Variants in KNDC1 observed in about 807,000 individuals in gnomAD.
KNDC1 encodes the protein kinase non-catalytic C-lobe domain containing 1.
KNDC1 carries 106 observed loss-of-function variants against 172.8 expected under a neutral mutation model. The observed-to-expected ratio is 0.61, with a 90% CI of 0.52 to 0.72. The LOEUF is 0.72. Among genes scored for constraint, KNDC1 ranks in the 30% least tolerant of loss-of-function variants. The pLI, the probability that KNDC1 is intolerant of heterozygous loss-of-function variation, is 0.00. For missense variants in KNDC1, 2,325 were observed against 2,394.5 expected (o/e 0.97, Z 0.61); for synonymous variants, 1,083 against 1,062.2 (o/e 1.02, Z -0.38).
chr10:133,206,891 G>T lies in KNDC1; in HGVS notation c.3517G>T (p.Gly1173Trp), dbSNP rs778440553. 1 of 1,614,162 alleles carries T rather than the reference G, an allele frequency of 6.2e-7. No homozygotes were observed. The highest frequency in any genetic ancestry group is 1.1e-5 in the South Asian group (1 of 91,090). The change falls in exon 19 of 30, where the codon GGG becomes TGG. Residue 1173 changes from glycine to tryptophan, a missense_variant. Transcript: ENST00000304613. ...DVKTMLSKLKGQLEEMKSRVQ... is the reference protein window; with the variant it reads ...DVKTMLSKLKWQLEEMKSRVQ... ...CAAGACCATGCTGTCCAAGCTGAAA[G>T]GGCAGCTAGAAGAAATGAAATCCAG... is the stretch of plus-strand genomic sequence containing the variant.
At chr10:133,210,927 G>A (rs563528431) in intron 21 of KNDC1, among the ~76,000 whole-genome samples, 2 of 152,260 alleles carry the variant, frequency 1.3e-5, no homozygotes, top group African/African-American at 4.8e-5. Context: ...GCAGGAGGGC[G>A]GTGGCCTGGG....
In KNDC1 at chr10:133,207,136, G is replaced by A; in HGVS notation, c.3580-1G>A. ...CAAGCGCCCGTGTCCCGCTCCGGCA[G>A]GTCATGTACGCGGAACGCTGGGGCC... On this transcript the variant is annotated splice_acceptor_variant, in intron 19 of 29. Coordinates refer to ENST00000304613, the MANE Select transcript of KNDC1 (RefSeq NM_152643.8). LOFTEE classifies it high-confidence loss of function. The A allele has an allele frequency of 6.3e-7, 1 of 1,583,962 alleles. No individual in the cohort carries two copies. The highest frequency in any genetic ancestry group is 8.6e-7 in the Non-Finnish European group (1 of 1,166,068).
At chr10:133,207,452 A>C in intron 20 of KNDC1, 101 bp downstream of exon 20, 1 of 1,098,588 alleles carries the variant, frequency 9.1e-7, no homozygotes, top group Non-Finnish European at 1.3e-6. Flanking sequence ...CTGGGTTTGC[A>C]CTTTTTAGTT....
rs150927003 is a variant in KNDC1, at chr10:133,166,585, G to A, written c.103-796G>A. Reference sequence around the variant, plus strand: ...TTGCATGAGTGTGTGTGTGTGAAGCGGATGGAACTGTGAGTGTGCACACAC... The same window carrying A: ...TTGCATGAGTGTGTGTGTGTGAAGCAGATGGAACTGTGAGTGTGCACACAC... On this transcript the variant is annotated intron_variant, in intron 1 of 29. Coordinates refer to ENST00000304613, the MANE Select transcript of KNDC1 (RefSeq NM_152643.8). Among the ~76,000 whole-genome samples, 1,233 of 152,286 alleles carry A rather than the reference G, an allele frequency of 8.1e-3. 9 individuals are homozygous for A. Among genetic ancestry groups the A allele is most frequent in the Admixed American group, 0.018 (282 of 15,296 alleles).
Position 133,197,140 on chromosome 10 carries a change from G to T in KNDC1, c.1812+5G>T. Reference sequence around the variant, plus strand: ...CTCAGAGCTTCCATCTGCCAGGTGGGCTAGAACAGCCAGGCCGCCGCCTCC... The same window carrying T: ...CTCAGAGCTTCCATCTGCCAGGTGGTCTAGAACAGCCAGGCCGCCGCCTCC... On this transcript the variant is annotated splice_donor_5th_base_variant and intron_variant, in intron 11 of 29. Coordinates refer to ENST00000304613, the MANE Select transcript of KNDC1 (RefSeq NM_152643.8). 3.1e-6 allele frequency: 5 copies of T among 1,611,354 alleles called. No individual in the cohort carries two copies. Among genetic ancestry groups the T allele is most frequent in the Non-Finnish European group, 4.2e-6 (5 of 1,178,574 alleles).
chr10:133,190,037 C>A (rs1384342107), intron 9 of KNDC1, among the ~76,000 whole-genome samples: 3 of 152,216 alleles, frequency 2.0e-5, no homozygotes, highest in East Asian at 3.8e-4. Context: ...TAGAGCTGCG[C>A]CTCCTGGCTC....
At chr10:133,201,424 G>T in intron 16 of KNDC1, 77 bp from the exon 17 acceptor site, 1 of 1,451,406 alleles carries the variant, frequency 6.9e-7, no homozygotes, top group Non-Finnish European at 9.3e-7. Flanking sequence ...AAGCACCACC[G>T]GCCTCCCATT....
chr10:133,193,160 A>C (rs1854105454), intron 9 of KNDC1, among the ~76,000 whole-genome samples: 1 of 152,258 alleles, frequency 6.6e-6, no homozygotes, highest in African/African-American at 2.4e-5. Flanking sequence ...GAGGAAGTGC[A>C]TAGCATTTTT....
At chr10:133,162,242 C>G (rs552251440) in intron 1 of KNDC1, among the ~76,000 whole-genome samples, 1 of 152,208 alleles carries the variant, frequency 6.6e-6, no homozygotes, top group African/African-American at 2.4e-5. Flanking sequence ...ATTCCCCTGG[C>G]GTTCAGACTC....
chr10:133,172,930 G>A (rs1853420126), intron 3 of KNDC1, among the ~76,000 whole-genome samples: 1 of 152,182 alleles, frequency 6.6e-6, no homozygotes, highest in Admixed American at 6.5e-5. Context: ...GTGGGCCCAG[G>A]AGTTCCAGGC....
At chr10:133,202,671 T>A (rs3008385) in intron 17 of KNDC1, 13 of 456,470 alleles carry the variant, frequency 2.8e-5, no homozygotes, top group East Asian at 1.4e-4. Flanking sequence ...TCCTCCTTGC[T>A]CCTCTCCTGC....
At position 133,167,387 on chromosome 10, in the gene KNDC1, G is replaced by C. The variant is rs149750022; in HGVS notation, c.109G>C (p.Val37Leu). ...LPTLPEDEEN[V>L]SLADILSLRD... Reference sequence around the variant, plus strand: ...CCAGGGCCGGTCTTGGCAGGAGAACGTGTCTCTGGCTGACATCCTCTCCCT... The same window carrying C: ...CCAGGGCCGGTCTTGGCAGGAGAACCTGTCTCTGGCTGACATCCTCTCCCT... The change falls in exon 2 of 30, where the codon GTG becomes CTG. Residue 37 changes from valine to leucine, a missense_variant. By Grantham distance (32) the Val-to-Leu change is conservative. Transcript: ENST00000304613. The C allele has an allele frequency of 1.3e-6, 2 of 1,583,876 alleles. No individual in the cohort carries two copies. Among genetic ancestry groups the C allele is most frequent in the South Asian group, 2.3e-5 (2 of 86,524 alleles).
intron 29 of KNDC1, among the ~76,000 whole-genome samples, chr10:133,221,658 C>T (rs978498782): frequency 1.3e-5 from 2 of 152,266 alleles, no homozygotes; most frequent in Admixed American, 6.5e-5. Flanking sequence ...CATGGATCCT[C>T]AGCCTGATAG....
intron 28 of KNDC1, 36 bp downstream of exon 28, chr10:133,219,126 C>T (rs766701749): frequency 8.7e-6 from 14 of 1,600,094 alleles, no homozygotes; most frequent in Non-Finnish European, 6.8e-6. Flanking sequence ...GGCTTTGGTC[C>T]CCCGAGGCCC....
At chr10:133,176,332 C>A (rs1853538059) in intron 3 of KNDC1, among the ~76,000 whole-genome samples, 1 of 152,058 alleles carries the variant, frequency 6.6e-6, no homozygotes, top group African/African-American at 2.4e-5. Context: ...CGGATGGGTT[C>A]CAGGTGCCTG....
At position 133,184,003 on chromosome 10, in the gene KNDC1, C is replaced by G. The variant is rs756676533; in HGVS notation, c.625+14C>G. The G allele has an allele frequency of 6.1e-6, 9 of 1,481,378 alleles. No homozygotes were observed. The highest frequency in any genetic ancestry group is 7.4e-6 in the Non-Finnish European group (8 of 1,083,036). The allele number at this position is 1,481,378 out of a possible 1,614,324, so 91.8% of individuals were successfully genotyped here. ...GAGCGCTGCAGGGTGAGTTCTTGAA[C>G]CCACACACGTGCATCCTCATGCACA... On this transcript the variant is annotated intron_variant, in intron 5 of 29. Transcript: ENST00000304613.
Position 133,224,911 on chromosome 10 carries a change from G to T in KNDC1, c.*21G>T. ...AGTAGCCGAGCTCGGGCCTGGTGTG[G>T]AATTCCAGATCCGAATCCGACTGTG... On this transcript the variant is annotated 3_prime_UTR_variant, in exon 30 of 30. Coordinates refer to ENST00000304613, the MANE Select transcript of KNDC1 (RefSeq NM_152643.8). This position sits in a 1 kb window ranked among gnomAD's most constrained non-coding sequence, Gnocchi z 5.4. 1 of 1,582,280 alleles carries T rather than the reference G, an allele frequency of 6.3e-7. No individual in the cohort carries two copies. Among genetic ancestry groups the T allele is most frequent in the Non-Finnish European group, 8.7e-7 (1 of 1,152,930 alleles).
chr10:133,196,760 G>C (rs1484249936), intron 10 of KNDC1, among the ~76,000 whole-genome samples: 1 of 152,208 alleles, frequency 6.6e-6, no homozygotes, highest in African/African-American at 2.4e-5. Flanking sequence ...GTGGGGCTCA[G>C]GCGAACGTGA....
At chr10:133,193,872 A>G (rs767307393) in intron 9 of KNDC1, among the ~76,000 whole-genome samples, 3 of 152,250 alleles carry the variant, frequency 2.0e-5, no homozygotes, top group African/African-American at 7.2e-5. Context: ...CCCAGAAGAC[A>G]TAGCAATCCT....
Sources: allele counts gnomAD v4.1 joint callset (sites outside exome capture counted in the v4.1 genomes callset), GRCh38; gene constraint gnomAD v4.1.1; non-coding constraint Gnocchi (gnomAD v3.1); transcripts MANE v1.5; gene names NCBI Gene and HGNC (gene_info 2026-07-23, HGNC 2026-07-21).